Variants in INPP4B observed in about 807,000 individuals in gnomAD.
INPP4B encodes the protein inositol polyphosphate-4-phosphatase type II B.
INPP4B carries 55 observed loss-of-function variants against 122.5 expected under a neutral mutation model. That is an observed-to-expected ratio of 0.45 (90% CI 0.36 to 0.56). The LOEUF is 0.56. INPP4B is among the 20% of genes least tolerant of loss of function. The pLI, the probability that INPP4B is intolerant of heterozygous loss-of-function variation, is 0.00. For synonymous variants in INPP4B, 403 were observed against 388.7 expected (o/e 1.04, Z -0.43); for missense variants, 1,000 against 1,097.7 (o/e 0.91, Z 1.26).
intron 1 of INPP4B, among the ~76,000 whole-genome samples, chr4:142,796,189 G>C (rs1347233216): frequency 1.3e-5 from 2 of 151,986 alleles, no homozygotes; most frequent in African/African-American, 2.4e-5. Flanking sequence ...CTTGTAGAAT[G>C]AATGATAGGT....
intron 9 of INPP4B, among the ~76,000 whole-genome samples, chr4:142,303,765 C>A (rs917821268): frequency 5.3e-5 from 8 of 152,068 alleles, no homozygotes; most frequent in African/African-American, 1.4e-4. Context: ...TAATCAAGAT[C>A]AAATGACTAG....
At chr4:142,366,226 C>T (rs1787413342) in intron 7 of INPP4B, among the ~76,000 whole-genome samples, 1 of 152,052 alleles carries the variant, frequency 6.6e-6, no homozygotes, top group African/African-American at 2.4e-5. Context: ...AACTCCACCG[C>T]CTATCCCAAA....
chr4:142,747,259 A>C (rs1020372224), intron 1 of INPP4B, among the ~76,000 whole-genome samples: 13 of 151,936 alleles, frequency 8.6e-5, no homozygotes, highest in Non-Finnish European at 4.4e-5. Context: ...GTGGCCAACA[A>C]ACATGAAAAA....
chr4:142,564,463 GAAAGAAAGAAAGA>G (rs1560806506), intron 2 of INPP4B, among the ~76,000 whole-genome samples: 7 of 113,644 alleles, frequency 6.2e-5, no homozygotes, highest in African/African-American at 2.4e-4. Flanking sequence ...AAGAAAGAAA[GAAAGAAAGAAAGA>G]AAAAAAAGAA....
chr4:142,027,612 A>AAAGT lies in INPP4B; in HGVS notation c.*1166_*1169dup, dbSNP rs1171306212. On this transcript the variant is annotated 3_prime_UTR_variant, in exon 26 of 26. Transcript: ENST00000262992. ...GAGAAGTGACAAGCCACAGGCTAGG[A>AAAGT]AAGTAAGAAGAGATTGTAATTCAAA... is the stretch of plus-strand genomic sequence containing the variant. 1 of 152,224 alleles carries AAAGT rather than the reference A, an allele frequency of 6.6e-6. No individual in the cohort carries two copies. Among genetic ancestry groups the AAAGT allele is most frequent in the Non-Finnish European group, 1.5e-5 (1 of 68,040 alleles). 9.4% of individuals were successfully genotyped at this position (152,224 alleles called of 1,614,324 possible).
intron 7 of INPP4B, among the ~76,000 whole-genome samples, chr4:142,332,949 T>G (rs1365868584): frequency 7.0e-6 from 1 of 142,132 alleles, no homozygotes; most frequent in Non-Finnish European, 1.5e-5. Flanking sequence ...AGGCGGAGCT[T>G]GTAGTAAGCC....
chr4:142,352,467 A>G (rs989389852), intron 7 of INPP4B, among the ~76,000 whole-genome samples: 17 of 151,578 alleles, frequency 1.1e-4, no homozygotes, highest in Non-Finnish European at 2.4e-4. Flanking sequence ...TGAAAATGAT[A>G]TTTGTAATTA....
intron 1 of INPP4B, among the ~76,000 whole-genome samples, chr4:142,799,297 C>A (rs927556261): frequency 5.9e-5 from 9 of 151,766 alleles, no homozygotes; most frequent in African/African-American, 2.2e-4. Flanking sequence ...TAGTCATGTG[C>A]ATTTTTCAAC....
chr4:142,769,193 C>A (rs963625395), intron 1 of INPP4B, among the ~76,000 whole-genome samples: 4 of 152,110 alleles, frequency 2.6e-5, no homozygotes, highest in Admixed American at 2.0e-4. Flanking sequence ...AAGGGACATG[C>A]GTCTTAAAGA....
At chr4:142,248,648 G>GTA (rs768473697) in intron 11 of INPP4B, among the ~76,000 whole-genome samples, 11 of 148,494 alleles carry the variant, frequency 7.4e-5, no homozygotes, top group Non-Finnish European at 1.2e-4. Context: ...GTGTGTGTGT[G>GTA]TGTATGTGTG....
At chr4:142,077,991 T>C (rs336381) in intron 25 of INPP4B, among the ~76,000 whole-genome samples, 136,889 of 151,644 alleles carry the variant, frequency 0.9, 62,897 homozygotes, top group Non-Finnish European at 0.98. Flanking sequence ...TCTGATGGGC[T>C]GTGAGGGTTA....
At chr4:142,244,382 C>G (rs1307132274) in intron 11 of INPP4B, among the ~76,000 whole-genome samples, 2 of 143,710 alleles carry the variant, frequency 1.4e-5, no homozygotes, top group African/African-American at 5.2e-5. Flanking sequence ...TCACTGCAAG[C>G]TCCGCCTCCT....
intron 16 of INPP4B, among the ~76,000 whole-genome samples, chr4:142,163,939 G>C (rs1290633441): frequency 6.6e-6 from 1 of 151,776 alleles, no homozygotes; most frequent in Non-Finnish European, 1.5e-5. Flanking sequence ...GTTATCATAA[G>C]AGTAGGGCAA....
chr4:142,687,170 C>T (rs778112169), intron 2 of INPP4B, among the ~76,000 whole-genome samples: 8 of 151,868 alleles, frequency 5.3e-5, no homozygotes, highest in Non-Finnish European at 1.0e-4. Context: ...ATGAATTGAC[C>T]GACTGACGAG....
chr4:142,471,322 A>G (rs1818786048), intron 2 of INPP4B, among the ~76,000 whole-genome samples: 1 of 152,144 alleles, frequency 6.6e-6, no homozygotes, highest in Non-Finnish European at 1.5e-5. Context: ...TGAAAACAAA[A>G]CCTAGCATAC....
At chr4:142,252,831 A>G (rs957701030) in intron 11 of INPP4B, among the ~76,000 whole-genome samples, 8 of 152,234 alleles carry the variant, frequency 5.3e-5, no homozygotes, top group African/African-American at 1.2e-4. Flanking sequence ...TGTTTTGGAT[A>G]ATACATGATC....
intron 5 of INPP4B, among the ~76,000 whole-genome samples, chr4:142,423,421 T>TC (rs369021533): frequency 6.6e-6 from 1 of 151,990 alleles, no homozygotes; most frequent in African/African-American, 2.4e-5. Context: ...ATCTTTTTTT[T>TC]CCCCTAAATG....
intron 23 of INPP4B, among the ~76,000 whole-genome samples, chr4:142,100,072 G>T (rs1234308396): frequency 1.3e-5 from 2 of 152,108 alleles, no homozygotes; most frequent in Non-Finnish European, 1.5e-5. Context: ...AAAAAGCAAG[G>T]AAAGATACTG....
intron 2 of INPP4B, among the ~76,000 whole-genome samples, chr4:142,643,392 C>G (rs887515949): frequency 5.3e-5 from 8 of 151,934 alleles, no homozygotes; most frequent in African/African-American, 1.9e-4. Context: ...TCCAGTAAAA[C>G]TATAAAGAAA....
Sources: gnomAD v4.1 joint callset for allele counts (sites outside exome capture counted in the v4.1 genomes callset) on GRCh38, gnomAD v4.1.1 for gene constraint, MANE v1.5 for transcripts, NCBI Gene and HGNC (gene_info 2026-07-23, HGNC 2026-07-21) for gene names.